ARHGEF11: variants seen among roughly 807,000 people sequenced by gnomAD.
ARHGEF11 encodes Rho guanine exchange factor (GEF) 11.
ARHGEF11 carries 55 observed loss-of-function variants against 193.7 expected under a neutral mutation model. The ratio of observed to expected loss-of-function variants is 0.28; its 90% CI spans 0.23 to 0.36. The LOEUF (loss-of-function observed/expected upper bound fraction) is 0.36. Ranked by LOEUF, ARHGEF11 falls within the 10% of genes least tolerant of loss-of-function variation. ARHGEF11 has a pLI of 1.00. For synonymous variants in ARHGEF11, 693 were observed against 768.0 expected, an observed-to-expected ratio of 0.90 and a Z score of 1.62; for missense variants, 1,723 against 2,005.6, an observed-to-expected ratio of 0.86 and a Z score of 2.69.
At chr1:157,036,185 A>G (rs2103053230) in intron 1 of ARHGEF11, among the ~76,000 whole-genome samples, 1 of 129,520 alleles carries the variant, frequency 7.7e-6, no homozygotes, top group East Asian at 2.3e-4. Context: ...ACATATATGA[A>G]TACATATATG....
intron 1 of ARHGEF11, among the ~76,000 whole-genome samples, chr1:157,005,504 C>G (rs911898595): frequency 6.6e-6 from 1 of 152,160 alleles, no homozygotes; most frequent in Non-Finnish European, 1.5e-5. Flanking sequence ...GGCAGTTTCT[C>G]AAGGCCATTC....
chr1:156,988,075 T>C (rs1414849794), intron 1 of ARHGEF11, among the ~76,000 whole-genome samples: 1 of 152,202 alleles, frequency 6.6e-6, no homozygotes, highest in East Asian at 1.9e-4. Flanking sequence ...CCACAGCATC[T>C]AACAGGAAGT....
At chr1:157,014,439 G>T (rs1668956404) in intron 1 of ARHGEF11, among the ~76,000 whole-genome samples, 1 of 151,268 alleles carries the variant, frequency 6.6e-6, no homozygotes, top group South Asian at 2.1e-4. Flanking sequence ...ACAGGGTCTT[G>T]CTCTGTTGTC....
chr1:156,967,758 T>C (rs1661898190), intron 11 of ARHGEF11, among the ~76,000 whole-genome samples: 1 of 152,214 alleles, frequency 6.6e-6, no homozygotes, highest in African/African-American at 2.4e-5. Flanking sequence ...TACAGATGCA[T>C]TCACCCACTC....
chr1:157,017,910 A>G (rs1305668536), intron 1 of ARHGEF11, among the ~76,000 whole-genome samples: 1 of 152,130 alleles, frequency 6.6e-6, no homozygotes, highest in African/African-American at 2.4e-5. Context: ...ATTTCCAGAC[A>G]ACATGACTTA....
chr1:156,959,484 C>G (rs934678230), intron 15 of ARHGEF11, among the ~76,000 whole-genome samples: 5 of 152,238 alleles, frequency 3.3e-5, no homozygotes, highest in African/African-American at 1.2e-4. Flanking sequence ...TTCCCCTCTA[C>G]TGCTCCAGAA....
intron 1 of ARHGEF11, among the ~76,000 whole-genome samples, chr1:157,012,486 A>C (rs1334910385): frequency 6.6e-6 from 1 of 152,222 alleles, no homozygotes; most frequent in Non-Finnish European, 1.5e-5. Context: ...TGTGCAATAT[A>C]TTTCAAAAAA....
At chr1:156,984,978 C>T (rs1295612068) in intron 2 of ARHGEF11, among the ~76,000 whole-genome samples, 1 of 150,912 alleles carries the variant, frequency 6.6e-6, no homozygotes, top group African/African-American at 2.4e-5. Flanking sequence ...AAGAAGAAAA[C>T]CCTTTTATTT....
chr1:156,996,721 C>T (rs535419980), intron 1 of ARHGEF11, among the ~76,000 whole-genome samples: 11 of 134,066 alleles, frequency 8.2e-5, no homozygotes, highest in Non-Finnish European at 1.4e-4. Context: ...TGCAGTGAGC[C>T]GAGATCACGC....
At chr1:156,951,452 T>C in intron 22 of ARHGEF11, 121 bp downstream of exon 22, 3 of 1,378,766 alleles carry the variant, frequency 2.2e-6, no homozygotes, top group Non-Finnish European at 2.9e-6. Context: ...GAGGAAGTTC[T>C]GTAAAGGGAG....
intron 40 of ARHGEF11, 72 bp downstream of exon 40, chr1:156,936,744 G>A: frequency 6.6e-7 from 1 of 1,507,626 alleles, no homozygotes; most frequent in Admixed American, 1.9e-5. Context: ...TCACTGCTTA[G>A]TGATGTGTCC....
rs1280195902 is a variant in ARHGEF11 at position 157,015,712 on chromosome 1, G to A, written c.32+28587C>T. 7.9e-5 allele frequency among the ~76,000 whole-genome samples: 12 copies of A among 152,348 alleles called. No individual in the cohort carries two copies. In the South Asian group the frequency reaches 2.1e-3, roughly 26 times the overall value. On this transcript the variant is annotated intron_variant, in intron 1 of 40. Transcript: ENST00000368194. ...AAGGGCCTTACTGCATGCAGCACAGGCATGTGTGGATTAGTGCCTCTTTCC... is the reference window on the plus strand; with the variant it reads ...AAGGGCCTTACTGCATGCAGCACAGACATGTGTGGATTAGTGCCTCTTTCC...
chr1:157,018,649 GAAAA>G (rs1052018208), intron 1 of ARHGEF11, among the ~76,000 whole-genome samples: 140 of 76,560 alleles, frequency 1.8e-3, no homozygotes, highest in African/African-American at 5.9e-3. Flanking sequence ...GTCTCAAAAA[GAAAA>G]AAAAAAAAAA....
At chr1:156,943,485 C>T (rs1382705885) in intron 32 of ARHGEF11, among the ~76,000 whole-genome samples, 1 of 152,244 alleles carries the variant, frequency 6.6e-6, no homozygotes, top group Non-Finnish European at 1.5e-5. Flanking sequence ...AGAGCCCTTT[C>T]TCACACACAC....
chr1:157,011,953 A>G (rs1030535191), intron 1 of ARHGEF11, among the ~76,000 whole-genome samples: 1 of 152,226 alleles, frequency 6.6e-6, no homozygotes, highest in Non-Finnish European at 1.5e-5. Context: ...CACATATGCT[A>G]TATGACCCAG....
In ARHGEF11 at chr1:157,013,259, T is replaced by TCTCACACA. The variant is rs1553228459; in HGVS notation, c.33-27087_33-27086insTGTGTGAG. Among the ~76,000 whole-genome samples the TCTCACACA allele has an allele frequency of 5.7e-4, 63 of 109,566 alleles. 1 individual carries two copies. The highest frequency in any genetic ancestry group is 3.0e-3 in the South Asian group (9 of 2,974). The allele number at this position is 109,566 out of a possible 152,430, so 71.9% of individuals were successfully genotyped here. ...CCCAACTGCTCATAACTCCCCACTA[T>TCTCACACA]CACTCACACACACACACACACACAC... On this transcript the variant is annotated intron_variant, in intron 1 of 40. Coordinates refer to ENST00000368194, the MANE Select transcript of ARHGEF11 (RefSeq NM_198236.3).
intron 1 of ARHGEF11, among the ~76,000 whole-genome samples, chr1:157,039,758 G>A (rs1672503456): frequency 2.0e-5 from 3 of 152,156 alleles, no homozygotes; most frequent in South Asian, 4.1e-4. Flanking sequence ...CTATGAAGAG[G>A]TGAAACAGAT....
At chr1:156,961,071 A>C (rs1037944173) in intron 14 of ARHGEF11, among the ~76,000 whole-genome samples, 2 of 152,258 alleles carry the variant, frequency 1.3e-5, no homozygotes, top group Middle Eastern at 3.2e-3. Context: ...TACTGCCAAA[A>C]GAATAAAGTC....
chr1:157,046,837 C>G (rs552033636), upstream of ARHGEF11, among the ~76,000 whole-genome samples: 1 of 151,340 alleles, frequency 6.6e-6, no homozygotes, highest in Non-Finnish European at 1.5e-5. Context: ...TGGTGAAACC[C>G]CCCCCCTCTA....
Sources: allele counts gnomAD v4.1 joint callset (sites outside exome capture counted in the v4.1 genomes callset), GRCh38; gene constraint gnomAD v4.1.1; transcripts MANE v1.5; gene names NCBI Gene and HGNC (gene_info 2026-07-23, HGNC 2026-07-21).